MOB3B: variants seen among roughly 807,000 people sequenced by gnomAD.
The protein encoded by MOB3B is MOB kinase activator 3B.
MOB3B carries 7 observed loss-of-function variants against 18.7 expected under a neutral mutation model. The ratio of observed to expected loss-of-function variants is 0.37; its 90% CI spans 0.21 to 0.70. MOB3B has a LOEUF of 0.70. MOB3B is among the 30% of genes least tolerant of loss of function. The pLI is 0.52. For synonymous variants in MOB3B, 111 were observed against 99.9 expected (o/e 1.11, Z -0.66); for missense variants, 253 against 281.3 (o/e 0.90, Z 0.72).
Position 27,359,081 on chromosome 9 carries a change from A to G in MOB3B, c.574T>C (p.Phe192Leu), listed in dbSNP as rs981366339. ...TCTATGAGGTTCATCTCTGTGACAA[A>G]GTAATAGAAGTGTTTGTAGCAGGTG... ...VNTCYKHFYY[F>L]VTEMNLIDRK... The change falls in exon 3 of 4, where the codon TTT (phenylalanine) becomes CTT (leucine). Residue 192 changes from phenylalanine (F) to leucine (L), a missense_variant. Phe to Leu is a conservative substitution (Grantham distance 22, BLOSUM62 0). Transcript: ENST00000262244. 1 of 1,614,136 alleles carries G rather than the reference A, an allele frequency of 6.2e-7. No homozygotes were observed. Among genetic ancestry groups the G allele is most frequent in the Admixed American group, 1.7e-5 (1 of 60,002 alleles).
At chr9:27,339,284 G>A (rs537268368) in intron 3 of MOB3B, among the ~76,000 whole-genome samples, 1 of 152,294 alleles carries the variant, frequency 6.6e-6, no homozygotes, top group East Asian at 1.9e-4. Context: ...TTTTTGTAAC[G>A]TTGTTGTGTC....
chr9:27,407,956 G>A (rs751127612), intron 2 of MOB3B, among the ~76,000 whole-genome samples: 2 of 152,058 alleles, frequency 1.3e-5, no homozygotes, highest in African/African-American at 4.8e-5. Context: ...CTGAGACCTG[G>A]TCCTACCTGC....
chr9:27,481,688 G>C (rs377349502), intron 1 of MOB3B, among the ~76,000 whole-genome samples: 3 of 151,860 alleles, frequency 2.0e-5, no homozygotes, highest in Non-Finnish European at 1.5e-5. Context: ...ACCATGCCCA[G>C]CTAATTTTTT....
At chr9:27,347,535 G>A (rs1239963945) in intron 3 of MOB3B, among the ~76,000 whole-genome samples, 1 of 152,214 alleles carries the variant, frequency 6.6e-6, no homozygotes, top group African/African-American at 2.4e-5. Context: ...GACTTCTAGG[G>A]TAGGGTGGTG....
At position 27,455,293 on chromosome 9, in the gene MOB3B, G is replaced by T; in HGVS notation, c.258C>A (p.Thr86=). 6.2e-7 allele frequency: 1 copy of T among 1,614,112 alleles called. No individual in the cohort carries two copies. Among genetic ancestry groups the T allele is most frequent in the Middle Eastern group, 1.6e-4 (1 of 6,062 alleles). ...GTICEFCTER[T]CPVMSGGPKY... is the part of the protein sequence containing the mutation. ...TGGGGCCCCCTGACATCACAGGACA[G>T]GTCCGCTCGGTGCAGAACTCACAGA... The change falls in exon 2 of 4, where the codon ACC becomes ACA. Residue 86 remains threonine, a synonymous_variant. Transcript: ENST00000262244.
At chr9:27,490,860 T>TGAG (rs1819805741) in intron 1 of MOB3B, among the ~76,000 whole-genome samples, 1 of 152,102 alleles carries the variant, frequency 6.6e-6, no homozygotes, top group Non-Finnish European at 1.5e-5. Context: ...AATGGGTAGC[T>TGAG]TAAAAGAGGG....
chr9:27,425,830 T>C (rs1249484724), intron 2 of MOB3B, among the ~76,000 whole-genome samples: 1 of 152,128 alleles, frequency 6.6e-6, no homozygotes, highest in East Asian at 1.9e-4. Context: ...TTCCAAACAA[T>C]GTATTTCAAG....
intron 2 of MOB3B, among the ~76,000 whole-genome samples, chr9:27,373,188 C>T (rs373650628): frequency 2.2e-4 from 34 of 152,246 alleles, no homozygotes; most frequent in Admixed American, 7.2e-4. Context: ...AATTATTAAG[C>T]ACTTCAAGAT....
intron 2 of MOB3B, among the ~76,000 whole-genome samples, chr9:27,437,746 A>C (rs1822533739): frequency 6.6e-6 from 1 of 152,208 alleles, no homozygotes; most frequent in Non-Finnish European, 1.5e-5. Context: ...CCACAGGGAC[A>C]CATCTGCCTG....
At chr9:27,489,979 T>C (rs529517449) in intron 1 of MOB3B, among the ~76,000 whole-genome samples, 80 of 152,266 alleles carry the variant, frequency 5.3e-4, no homozygotes, top group African/African-American at 1.7e-3. Flanking sequence ...TTAGGACAGC[T>C]ACTTAAAGTT....
At chr9:27,337,645 G>T (rs1327984918) in intron 3 of MOB3B, among the ~76,000 whole-genome samples, 1 of 152,206 alleles carries the variant, frequency 6.6e-6, no homozygotes, top group Non-Finnish European at 1.5e-5. Flanking sequence ...CAAAGAAAAT[G>T]AGCTGGCATC....
intron 2 of MOB3B, among the ~76,000 whole-genome samples, chr9:27,365,236 T>C (rs1563850917): frequency 6.6e-6 from 1 of 150,896 alleles, no homozygotes; most frequent in Non-Finnish European, 1.5e-5. Flanking sequence ...AGTCCTGGCA[T>C]GGAAGGCTGC....
chr9:27,525,553 CAT>C (rs1820424052), intron 1 of MOB3B, among the ~76,000 whole-genome samples: 1 of 152,050 alleles, frequency 6.6e-6, no homozygotes, highest in Non-Finnish European at 1.5e-5. Flanking sequence ...AGTGAAGATC[CAT>C]AGTGAAATTG....
intron 3 of MOB3B, among the ~76,000 whole-genome samples, chr9:27,332,976 A>G (rs1339576218): frequency 1.3e-5 from 2 of 152,248 alleles, no homozygotes; most frequent in Non-Finnish European, 2.9e-5. Context: ...AGGTGGTTGC[A>G]GTCATTCATG....
intron 3 of MOB3B, among the ~76,000 whole-genome samples, chr9:27,356,310 C>T (rs976174964): frequency 6.6e-6 from 1 of 152,130 alleles, no homozygotes; most frequent in African/African-American, 2.4e-5. Context: ...AACCTGGTAC[C>T]TTTCTTGCTC....
intron 3 of MOB3B, among the ~76,000 whole-genome samples, chr9:27,332,718 A>G (rs1820806443): frequency 6.6e-6 from 1 of 152,170 alleles, no homozygotes; most frequent in Non-Finnish European, 1.5e-5. Flanking sequence ...TGCTATACAG[A>G]TATTATACTT....
chr9:27,371,893 C>T (rs931356325), intron 2 of MOB3B, among the ~76,000 whole-genome samples: 2 of 151,900 alleles, frequency 1.3e-5, no homozygotes, highest in African/African-American at 4.8e-5. Flanking sequence ...TTCAAGGACA[C>T]TAAAAAATTT....
chr9:27,357,884 G>A (rs1015575872), intron 3 of MOB3B, among the ~76,000 whole-genome samples: 20 of 51,454 alleles, frequency 3.9e-4, no homozygotes, highest in Non-Finnish European at 5.9e-4. Context: ...AGATCCCATC[G>A]CTACAAAAAA....
intron 1 of MOB3B, among the ~76,000 whole-genome samples, chr9:27,528,890 C>G (rs903604): frequency 0.99 from 150,943 of 152,242 alleles, 74,841 homozygotes; most frequent in East Asian, 1. Context: ...TCAAAGAAAA[C>G]TTGAAGGGTT....
Sources: gnomAD v4.1 joint callset for allele counts (sites outside exome capture counted in the v4.1 genomes callset) on GRCh38, gnomAD v4.1.1 for gene constraint, MANE v1.5 for transcripts, NCBI Gene and HGNC (gene_info 2026-07-23, HGNC 2026-07-21) for gene names.